Variants in DGKB observed in about 807,000 individuals in gnomAD.
DGKB encodes the protein 90 kDa diacylglycerol kinase.
In DGKB, 67 loss-of-function variants were observed where a neutral mutation model predicts 114.3. The ratio of observed to expected loss-of-function variants is 0.59; its 90% CI spans 0.48 to 0.72. The LOEUF is 0.72. Among genes scored for constraint, DGKB ranks in the 30% least tolerant of loss-of-function variants. The probability of loss-of-function intolerance (pLI) is 0.00; values close to 1 mark genes in which losing one functional copy is unlikely to be tolerated. For missense variants in DGKB, 907 were observed against 975.2 expected, an observed-to-expected ratio of 0.93 and a Z score of 0.93; for synonymous variants, 398 against 323.1, an observed-to-expected ratio of 1.23 and a Z score of -2.49.
intron 23 of DGKB, among the ~76,000 whole-genome samples, chr7:14,310,107 G>T (rs1805123648): frequency 6.6e-6 from 1 of 152,202 alleles, no homozygotes; most frequent in African/African-American, 2.4e-5. Context: ...AAAGGACTCA[G>T]TGTATTGAGC....
At chr7:14,853,393 T>A (rs1419374747) in intron 1 of DGKB, among the ~76,000 whole-genome samples, 1 of 151,902 alleles carries the variant, frequency 6.6e-6, no homozygotes, top group African/African-American at 2.4e-5. Flanking sequence ...ACAATATCAT[T>A]TTCTCACTTG....
chr7:14,311,416 T>A (rs1585061538), intron 23 of DGKB, among the ~76,000 whole-genome samples: 1 of 152,128 alleles, frequency 6.6e-6, no homozygotes, highest in East Asian at 1.9e-4. Context: ...CACAACTTTA[T>A]TCATTTTTCA....
At chr7:14,940,617 G>C (rs935455258) in intron 1 of DGKB, among the ~76,000 whole-genome samples, 1 of 151,884 alleles carries the variant, frequency 6.6e-6, no homozygotes, top group Non-Finnish European at 1.5e-5. Flanking sequence ...GCCAACCTTT[G>C]TTCTATTAGT....
At chr7:14,153,368 T>A (rs1325180655) in intron 25 of DGKB, among the ~76,000 whole-genome samples, 1 of 152,154 alleles carries the variant, frequency 6.6e-6, no homozygotes, top group Non-Finnish European at 1.5e-5. Flanking sequence ...CTTTCAGGAA[T>A]TCTTGTACCT....
intron 13 of DGKB, among the ~76,000 whole-genome samples, chr7:14,636,065 G>A (rs1399152791): frequency 6.6e-6 from 1 of 151,612 alleles, no homozygotes; most frequent in African/African-American, 2.4e-5. Context: ...CTTGTCTTTT[G>A]CTCCTTTAAA....
chr7:14,530,424 G>T (rs1194713137), intron 20 of DGKB, among the ~76,000 whole-genome samples: 1 of 151,304 alleles, frequency 6.6e-6, no homozygotes, highest in Non-Finnish European at 1.5e-5. Context: ...AAAAAACCCT[G>T]TATGGAAGTA....
At chr7:14,656,909 C>T (rs1252252060) in intron 13 of DGKB, among the ~76,000 whole-genome samples, 2 of 151,630 alleles carry the variant, frequency 1.3e-5, no homozygotes, top group Non-Finnish European at 3.0e-5. Flanking sequence ...AGACTAGACC[C>T]TGTTTATAAT....
At chr7:14,403,589 G>C (rs777895783) in intron 21 of DGKB, among the ~76,000 whole-genome samples, 2 of 151,574 alleles carry the variant, frequency 1.3e-5, no homozygotes, top group Non-Finnish European at 2.9e-5. Flanking sequence ...CTGCCAATTC[G>C]CATCAACTCC....
In DGKB at chr7:14,794,773, T is replaced by G. The variant is rs183902511; in HGVS notation, c.71-37042A>C. On this transcript the variant is annotated intron_variant, in intron 2 of 25. Coordinates refer to ENST00000402815, the MANE Select transcript of DGKB (RefSeq NM_001350709.2). ...TCCTCTAAGTTGGAAAGGGAACACG[T>G]GGGATAGATCCTGATGAAGCTGTGG... Among the ~76,000 whole-genome samples, 4 of 152,266 alleles carry G rather than the reference T, an allele frequency of 2.6e-5. No individual in the cohort carries two copies. In the East Asian group the frequency reaches 5.8e-4, roughly 22 times the overall value.
At chr7:14,841,091 T>C in intron 2 of DGKB, 103 bp downstream of exon 2, 2 of 1,022,926 alleles carry the variant, frequency 2.0e-6, no homozygotes, top group Non-Finnish European at 2.8e-6. Context: ...GAGCTGGATC[T>C]ATCCCCATGA....
chr7:14,557,021 T>C (rs1279921838), intron 20 of DGKB, among the ~76,000 whole-genome samples: 1 of 152,186 alleles, frequency 6.6e-6, no homozygotes, highest in African/African-American at 2.4e-5. Context: ...AATAGGATAC[T>C]GGACAAGCAA....
At chr7:14,244,426 G>A (rs748877621) in intron 23 of DGKB, among the ~76,000 whole-genome samples, 2 of 151,972 alleles carry the variant, frequency 1.3e-5, no homozygotes, top group African/African-American at 2.4e-5. Context: ...GGAGGCTGAG[G>A]TGGGCGGATC....
intron 22 of DGKB, among the ~76,000 whole-genome samples, chr7:14,344,023 T>C (rs1812059742): frequency 1.3e-5 from 2 of 148,240 alleles, no homozygotes; most frequent in East Asian, 3.9e-4. Context: ...AATATATAAC[T>C]GTAGTACATA....
At chr7:14,330,679 A>G (rs1809569436) in intron 23 of DGKB, among the ~76,000 whole-genome samples, 1 of 151,992 alleles carries the variant, frequency 6.6e-6, no homozygotes, top group Admixed American at 6.6e-5. Context: ...TAATTTGTAT[A>G]CCTTCAGAAG....
chr7:14,451,527 T>C (rs912926258), intron 21 of DGKB, among the ~76,000 whole-genome samples: 5 of 144,668 alleles, frequency 3.5e-5, no homozygotes, highest in South Asian at 2.2e-4. Context: ...CAATTCCTTA[T>C]AATAAATCTC....
At chr7:14,260,723 T>C (rs6461079) in intron 23 of DGKB, among the ~76,000 whole-genome samples, 143,927 of 152,220 alleles carry the variant, frequency 0.95, 68,139 homozygotes, top group African/African-American at 0.99. Context: ...ACCCTTTTGG[T>C]TTAAGTAGAG....
chr7:14,344,274 A>T (rs1812114899), intron 22 of DGKB, among the ~76,000 whole-genome samples: 1 of 151,436 alleles, frequency 6.6e-6, no homozygotes, highest in Non-Finnish European at 1.5e-5. Flanking sequence ...CAATTCTAAT[A>T]CTTAATTATA....
Position 14,471,235 on chromosome 7 carries a change from A to G in DGKB, c.1835+6926T>C. On this transcript the variant is annotated intron_variant, in intron 21 of 25. Coordinates refer to ENST00000402815, the MANE Select transcript of DGKB (RefSeq NM_001350709.2). ...ATATATACATATATATGTATGGAAT[A>G]TATGTATACATACATATATGTGTAT... 3.5e-5 allele frequency among the ~76,000 whole-genome samples: 2 copies of G among 57,926 alleles called. 1 individual carries two copies. The highest frequency in any genetic ancestry group is 7.8e-5 in the Non-Finnish European group (2 of 25,544). 38.0% of individuals were successfully genotyped at this position (57,926 alleles called of 152,430 possible).
intron 23 of DGKB, among the ~76,000 whole-genome samples, chr7:14,264,586 C>A (rs901286241): frequency 6.6e-5 from 10 of 152,152 alleles, no homozygotes; most frequent in African/African-American, 2.4e-4. Context: ...TCTATTTTTG[C>A]AATTTTTAGA....
Sources: gnomAD v4.1 joint callset for allele counts (sites outside exome capture counted in the v4.1 genomes callset) on GRCh38, gnomAD v4.1.1 for gene constraint, MANE v1.5 for transcripts, NCBI Gene and HGNC (gene_info 2026-07-23, HGNC 2026-07-21) for gene names.